Variants in WDR25 observed in about 807,000 individuals in gnomAD.
WDR25 encodes the protein WD repeat-containing protein 25.
Under a neutral mutation model 47.7 loss-of-function variants are expected in WDR25, and 35 were observed. The ratio of observed to expected loss-of-function variants is 0.73; its 90% CI spans 0.56 to 0.97. The LOEUF (loss-of-function observed/expected upper bound fraction) is 0.97. Among genes scored for constraint, WDR25 ranks in the 50% least tolerant of loss-of-function variants. The probability of loss-of-function intolerance (pLI) is 0.00; values close to 1 mark genes in which losing one functional copy is unlikely to be tolerated. For synonymous variants in WDR25, 248 were observed against 278.9 expected, an observed-to-expected ratio of 0.89 and a Z score of 1.10; for missense variants, 634 against 704.7, an observed-to-expected ratio of 0.90 and a Z score of 1.14.
At chr14:100,501,625 G>A (rs766590512) in intron 4 of WDR25, among the ~76,000 whole-genome samples, 20 of 152,218 alleles carry the variant, frequency 1.3e-4, no homozygotes, top group South Asian at 2.1e-4. Context: ...TGGACACTCA[G>A]GATGTGGGGG....
chr14:100,470,614 T>G (rs141895561), intron 3 of WDR25, among the ~76,000 whole-genome samples: 1 of 152,202 alleles, frequency 6.6e-6, no homozygotes, highest in African/African-American at 2.4e-5. Flanking sequence ...AGGCCATTGC[T>G]GAGTTTGAAG....
chr14:100,436,056 C>G (rs1157198968), intron 2 of WDR25, among the ~76,000 whole-genome samples: 1 of 152,218 alleles, frequency 6.6e-6, no homozygotes, highest in African/African-American at 2.4e-5. Context: ...GCCTCTCCAG[C>G]AAGTTCTTTG....
chr14:100,476,495 A>G (rs1900021865), intron 3 of WDR25: 1 of 152,206 alleles, frequency 6.6e-6, no homozygotes, highest in African/African-American at 2.4e-5. Context: ...TCCCTTGTCA[A>G]CATTTTTCCT....
At chr14:100,447,504 G>C (rs954463828) in intron 2 of WDR25, among the ~76,000 whole-genome samples, 1 of 152,216 alleles carries the variant, frequency 6.6e-6, no homozygotes, top group South Asian at 2.1e-4. Context: ...GAACAGACTG[G>C]GGAGCCTGAG....
chr14:100,475,026 G>A (rs1899970618), intron 3 of WDR25, among the ~76,000 whole-genome samples: 1 of 152,168 alleles, frequency 6.6e-6, no homozygotes, highest in Non-Finnish European at 1.5e-5. Flanking sequence ...ATGGCCAACA[G>A]ATATTAGAAA....
chr14:100,385,948 G>A (rs1455535589), intron 2 of WDR25, among the ~76,000 whole-genome samples: 1 of 152,184 alleles, frequency 6.6e-6, no homozygotes, highest in Non-Finnish European at 1.5e-5. Flanking sequence ...GCCAGGCACT[G>A]AGAGGGAGTC....
rs1311671133 is a variant in WDR25 at position 100,380,789 on chromosome 14, T to C, written c.-15-121T>C. The C allele has an allele frequency of 6.2e-6, 6 of 963,890 alleles. No homozygotes were observed. The African/African-American group carries it at 9.9e-5, about 16-fold the overall frequency. 59.7% of individuals were successfully genotyped at this position (963,890 alleles called of 1,614,324 possible). A position where few individuals can be genotyped will look rare whatever the true frequency, so the allele number is the denominator to read the frequency against. ...GATTACAGGCGTGAGCCACCACGCC[T>C]GGCCTGTGTTTATTCTTATGAGTGT... On this transcript the variant is annotated intron_variant, in intron 1 of 6. Transcript: ENST00000402312.
chr14:100,528,998 C>T, intron 5 of WDR25, 70 bp from the exon 6 acceptor site: 1 of 1,486,048 alleles, frequency 6.7e-7, no homozygotes, highest in East Asian at 2.4e-5. Context: ...GGAGCAGGCC[C>T]CAGGCCCCAG....
chr14:100,393,828 G>T (rs1051246674), intron 2 of WDR25, among the ~76,000 whole-genome samples: 2 of 152,168 alleles, frequency 1.3e-5, no homozygotes, highest in African/African-American at 4.8e-5. Flanking sequence ...GTGTCCTGTG[G>T]TCAGGGCCAA....
chr14:100,436,078 G>A (rs1233295676), intron 2 of WDR25, among the ~76,000 whole-genome samples: 1 of 152,198 alleles, frequency 6.6e-6, no homozygotes, highest in Non-Finnish European at 1.5e-5. Context: ...ATCTGCTGAG[G>A]CCAGATTCAG....
In WDR25 at chr14:100,440,778, G is replaced by A. The variant is rs1171335030; in HGVS notation, c.823-27243G>A. 1.3e-5 allele frequency among the ~76,000 whole-genome samples: 2 copies of A among 152,092 alleles called. No individual in the cohort carries two copies. Among genetic ancestry groups the A allele is most frequent in the African/African-American group, 2.4e-5 (1 of 41,334 alleles). On this transcript the variant is annotated intron_variant, in intron 2 of 6. Coordinates refer to ENST00000402312, the MANE Select transcript of WDR25 (RefSeq NM_001161476.3). The surrounding 1 kb of genome is among the most constrained non-coding windows in gnomAD (Gnocchi z 4.4). ...CTGATTATTTACGAAGGGACAGGCCGGGGGAGGTAACCACCTCGATAAATT... is the reference window on the plus strand; with the variant it reads ...CTGATTATTTACGAAGGGACAGGCCAGGGGAGGTAACCACCTCGATAAATT...
At position 100,381,439 on chromosome 14, in the gene WDR25, G is replaced by C. The variant is rs772328853; in HGVS notation, c.515G>C (p.Cys172Ser). The C allele has an allele frequency of 1.9e-6, 3 of 1,614,204 alleles. No homozygotes were observed. The highest frequency in any genetic ancestry group is 2.5e-6 in the Non-Finnish European group (3 of 1,180,038). The change falls in exon 2 of 7, where the codon TGT becomes TCT. Residue 172 changes from cysteine to serine, a missense_variant. By Grantham distance (112) the Cys-to-Ser change is moderately radical (BLOSUM62 -1). Transcript: ENST00000402312. The part of the protein sequence containing the change: ...SSFQKKKCED[C>S]VVPYTPRRLR... ...TTTCAGAAGAAAAAATGTGAGGACT[G>C]TGTGGTACCCTATACTCCCAGAAGA...
intron 2 of WDR25, among the ~76,000 whole-genome samples, chr14:100,421,562 A>G (rs1032641319): frequency 1.1e-4 from 17 of 152,244 alleles, no homozygotes; most frequent in African/African-American, 3.9e-4. Flanking sequence ...ATAAACTTCC[A>G]TAGATGCACC....
intron 2 of WDR25, chr14:100,454,623 G>A (rs1899143392): frequency 2.4e-6 from 1 of 423,754 alleles, no homozygotes; most frequent in African/African-American, 2.1e-5. Flanking sequence ...TACTGGATGA[G>A]TTTCTGACTT....
intron 3 of WDR25, among the ~76,000 whole-genome samples, chr14:100,483,547 C>G (rs950219786): frequency 1.3e-5 from 2 of 152,176 alleles, no homozygotes; most frequent in Non-Finnish European, 2.9e-5. Context: ...AAAGTATCAC[C>G]TTAGAACAAT....
At position 100,499,522 on chromosome 14, in the gene WDR25, G is replaced by A. The variant is rs79127199; in HGVS notation, c.1101+15398G>A. ...AGAAGTGGAAGTGCCAGCTAACCCT[G>A]AAGAATGGGTTCATTTGTTAGTTTG... On this transcript the variant is annotated intron_variant, in intron 4 of 6. Coordinates refer to ENST00000402312, the MANE Select transcript of WDR25 (RefSeq NM_001161476.3). The surrounding 1 kb of genome is among the most constrained non-coding windows in gnomAD (Gnocchi z 4.4). Among the ~76,000 whole-genome samples, 2,316 of 152,312 alleles carry A rather than the reference G, an allele frequency of 0.015. 65 individuals are homozygous for A. The highest frequency in any genetic ancestry group is 0.045 in the African/African-American group (1,884 of 41,560).
chr14:100,429,633 A>T (rs1003779160), intron 2 of WDR25, among the ~76,000 whole-genome samples: 2 of 152,096 alleles, frequency 1.3e-5, no homozygotes, highest in African/African-American at 4.8e-5. Flanking sequence ...CCCTAGACTG[A>T]GTGGCCCACA....
intron 2 of WDR25, among the ~76,000 whole-genome samples, chr14:100,382,410 A>T (rs1243182228): frequency 6.6e-6 from 1 of 152,154 alleles, no homozygotes; most frequent in East Asian, 1.9e-4. Flanking sequence ...GGCTCCAAGC[A>T]TGAGGGCCTG....
chr14:100,408,196 A>G (rs1224845845), intron 2 of WDR25, among the ~76,000 whole-genome samples: 1 of 152,136 alleles, frequency 6.6e-6, no homozygotes, highest in African/African-American at 2.4e-5. Flanking sequence ...AGGAGACCTC[A>G]TCGGACGTTC....
Sources: gnomAD v4.1 joint callset for allele counts (sites outside exome capture counted in the v4.1 genomes callset) on GRCh38, gnomAD v4.1.1 for gene constraint, Gnocchi (gnomAD v3.1) non-coding constraint, MANE v1.5 for transcripts, NCBI Gene and HGNC (gene_info 2026-07-23, HGNC 2026-07-21) for gene names.